Variants in GRB10 observed in about 807,000 individuals in gnomAD.
The protein encoded by GRB10 is growth factor receptor-bound protein 10.
In GRB10, 20 loss-of-function variants were observed where a neutral mutation model predicts 80.9. The observed-to-expected ratio is 0.25, with a 90% CI of 0.17 to 0.36. The LOEUF (loss-of-function observed/expected upper bound fraction) is 0.36. GRB10 is among the 10% of genes least tolerant of loss of function. The pLI, the probability that GRB10 is intolerant of heterozygous loss-of-function variation, is 1.00. For missense variants in GRB10, 548 were observed against 747.7 expected, an observed-to-expected ratio of 0.73 and a Z score of 3.12; for synonymous variants, 291 against 291.5, an observed-to-expected ratio of 1.00 and a Z score of 0.02.
Position 50,614,840 on chromosome 7 carries a change from C to T in GRB10, c.1025G>A (p.Ser342Asn), listed in dbSNP as rs764010067. 5.8e-5 allele frequency: 94 copies of T among 1,613,950 alleles called. No individual in the cohort carries two copies. Among genetic ancestry groups the T allele is most frequent in the Non-Finnish European group, 7.8e-5 (92 of 1,179,998 alleles). ...GCCAGCGATCAGGGAGAAGATGTTG[C>T]TGTCCTCCAGGTCGGCCAGCAGCTG... ...HLQLLADLED[S>N]NIFSLIAGRK... The change falls in exon 12 of 19, where the codon AGC becomes AAC. Residue 342 changes from serine to asparagine, a missense_variant. By Grantham distance (46) the Ser-to-Asn change is conservative. Coordinates refer to ENST00000401949, the MANE Select transcript of GRB10 (RefSeq NM_001350814.2).
chr7:50,778,069 C>T (rs1449437823), intron 2 of GRB10, among the ~76,000 whole-genome samples: 2 of 152,050 alleles, frequency 1.3e-5, no homozygotes, highest in African/African-American at 2.4e-5. Flanking sequence ...ACATGTATCC[C>T]GGAACTAAAG....
In GRB10 at chr7:50,677,611, G is replaced by A. The variant is rs148688987; in HGVS notation, c.140-2953C>T. Among the ~76,000 whole-genome samples, 78 of 152,320 alleles carry A rather than the reference G, an allele frequency of 5.1e-4. No individual in the cohort carries two copies. In the East Asian group the frequency reaches 0.013, roughly 26 times the overall value. On this transcript the variant is annotated intron_variant, in intron 5 of 18. Transcript: ENST00000401949. ...GAAAGTTCTAGAACGTATGCATCACGCACCCACTCATCTCCTACACTCCTA... is the reference window on the plus strand; with the variant it reads ...GAAAGTTCTAGAACGTATGCATCACACACCCACTCATCTCCTACACTCCTA...
At chr7:50,792,923 G>A (rs563576658) in intron 1 of GRB10, 3 of 147,862 alleles carry the variant, frequency 2.0e-5, no homozygotes, top group Non-Finnish European at 4.5e-5. Context: ...CCTCCCCCCA[G>A]GGGTCGGGAA....
chr7:50,653,416 G>C (rs568704059), intron 7 of GRB10, among the ~76,000 whole-genome samples: 1 of 152,154 alleles, frequency 6.6e-6, no homozygotes, highest in African/African-American at 2.4e-5. Flanking sequence ...TGTTTGTCTC[G>C]GCCAGCCCCA....
intron 10 of GRB10, 79 bp from the exon 11 acceptor site, chr7:50,616,426 C>A: frequency 7.4e-7 from 1 of 1,344,892 alleles, no homozygotes; most frequent in South Asian, 1.2e-5. Context: ...GCATAGCTGA[C>A]ATTTTCTGAA....
intron 5 of GRB10, among the ~76,000 whole-genome samples, chr7:50,695,410 G>T (rs754143850): frequency 2.6e-5 from 4 of 152,164 alleles, no homozygotes; most frequent in Non-Finnish European, 5.9e-5. Context: ...CCAGCAAGAG[G>T]ACCTATTTTC....
At chr7:50,645,981 TACACCC>T (rs1053473718) in intron 7 of GRB10, among the ~76,000 whole-genome samples, 37 of 152,208 alleles carry the variant, frequency 2.4e-4, no homozygotes, top group Non-Finnish European at 4.6e-4. Flanking sequence ...ATGAACTTTC[TACACCC>T]ACCCACATAC....
chr7:50,705,738 T>G (rs2064957019), intron 4 of GRB10, among the ~76,000 whole-genome samples: 3 of 152,218 alleles, frequency 2.0e-5, no homozygotes, highest in Admixed American at 2.0e-4. Context: ...CCCCACCAAG[T>G]AGAAGTGTAG....
chr7:50,615,256 C>T (rs919686562), intron 11 of GRB10, among the ~76,000 whole-genome samples: 13 of 152,184 alleles, frequency 8.5e-5, no homozygotes, highest in Admixed American at 7.9e-4. Flanking sequence ...AGAGTCCAAC[C>T]GTACTTTGGG....
intron 7 of GRB10, among the ~76,000 whole-genome samples, chr7:50,629,826 C>A (rs73697032): frequency 7.8e-4 from 119 of 152,314 alleles, no homozygotes; most frequent in African/African-American, 2.8e-3. Context: ...GCTCAGGTCT[C>A]CTGCGGAGCA....
chr7:50,623,067 G>A lies in GRB10; in HGVS notation c.661+3755C>T, dbSNP rs186712498. ...TGCCCTGGCTAAGGTGAACCTTCCAGAGACTTGCAGCTCACCATGCTCGGG... is the reference window on the plus strand; with the variant it reads ...TGCCCTGGCTAAGGTGAACCTTCCAAAGACTTGCAGCTCACCATGCTCGGG... On this transcript the variant is annotated intron_variant, in intron 8 of 18. Coordinates refer to ENST00000401949, the MANE Select transcript of GRB10 (RefSeq NM_001350814.2). 1.7e-3 allele frequency among the ~76,000 whole-genome samples: 263 copies of A among 152,326 alleles called. 7 individuals are homozygous for A. The highest frequency in any genetic ancestry group is 0.016 in the Admixed American group (251 of 15,306).
intron 7 of GRB10, among the ~76,000 whole-genome samples, chr7:50,651,676 A>G (rs1268831040): frequency 6.6e-6 from 1 of 152,248 alleles, no homozygotes; most frequent in Non-Finnish European, 1.5e-5. Context: ...AATAGTTTAT[A>G]GTTGTCGGAG....
intron 3 of GRB10, among the ~76,000 whole-genome samples, chr7:50,740,261 C>T (rs116216601): frequency 4.3e-4 from 66 of 152,324 alleles, no homozygotes; most frequent in African/African-American, 1.6e-3. Flanking sequence ...TCTAGCTCAT[C>T]GCCCTGGTGT....
chr7:50,604,469 G>T, intron 15 of GRB10, 92 bp from the exon 16 acceptor site: 1 of 1,092,244 alleles, frequency 9.2e-7, no homozygotes, highest in Non-Finnish European at 1.4e-6. Flanking sequence ...CCACTGGGTG[G>T]GGTGCCTGAC....
intron 7 of GRB10, among the ~76,000 whole-genome samples, chr7:50,634,959 C>T (rs942444413): frequency 2.6e-5 from 4 of 152,240 alleles, no homozygotes; most frequent in African/African-American, 9.6e-5. Context: ...CAACACCCCA[C>T]TGACAACAGT....
At chr7:50,597,197 T>C (rs897942564) in intron 17 of GRB10, among the ~76,000 whole-genome samples, 1 of 152,250 alleles carries the variant, frequency 6.6e-6, no homozygotes, top group African/African-American at 2.4e-5. Flanking sequence ...ATCTTACCTA[T>C]GTAGAAACCT....
chr7:50,713,678 CCTCCTCCAT>C (rs2066327892), intron 4 of GRB10, among the ~76,000 whole-genome samples: 1 of 149,538 alleles, frequency 6.7e-6, no homozygotes, highest in African/African-American at 2.5e-5. Context: ...ACCACCTCCA[CCTCCTCCAT>C]TGTCACCTCC....
chr7:50,635,961 C>CTTT (rs1563237112), intron 7 of GRB10, among the ~76,000 whole-genome samples: 5 of 104,308 alleles, frequency 4.8e-5, no homozygotes, highest in African/African-American at 1.9e-4. Flanking sequence ...TTTTTCCTTT[C>CTTT]CTTTTTTTTT....
chr7:50,617,012 C>T (rs559899436), intron 10 of GRB10, among the ~76,000 whole-genome samples: 2 of 152,302 alleles, frequency 1.3e-5, no homozygotes, highest in South Asian at 2.1e-4. Context: ...AAAGGCACGT[C>T]GGACAGAGCC....
Sources: gnomAD v4.1 joint callset for allele counts (sites outside exome capture counted in the v4.1 genomes callset) on GRCh38, gnomAD v4.1.1 for gene constraint, MANE v1.5 for transcripts, NCBI Gene and HGNC (gene_info 2026-07-23, HGNC 2026-07-21) for gene names.